Variants in STAP1 observed in about 807,000 individuals in gnomAD.
STAP1 encodes signal-transducing adaptor protein 1.
Under a neutral mutation model 37.8 loss-of-function variants are expected in STAP1, and 30 were observed. The observed-to-expected ratio is 0.79, with a 90% confidence interval of 0.59 to 1.08. The LOEUF is 1.08. Among genes scored for constraint, STAP1 ranks in the 50% least tolerant of loss-of-function variants. The pLI is 0.00. For missense variants in STAP1, 357 were observed against 349.4 expected, an observed-to-expected ratio of 1.02 and a Z score of -0.17; for synonymous variants, 130 against 116.0, an observed-to-expected ratio of 1.12 and a Z score of -0.78.
At chr4:67,591,104 G>A in intron 7 of STAP1, 151 bp downstream of exon 7, 1 of 415,284 alleles carries the variant, frequency 2.4e-6, no homozygotes, top group Non-Finnish European at 4.2e-6. Flanking sequence ...GTGAGGCAGA[G>A]TAAAATATAA....
At chr4:67,566,871 G>A (rs946881917) in intron 1 of STAP1, among the ~76,000 whole-genome samples, 1 of 152,168 alleles carries the variant, frequency 6.6e-6, no homozygotes, top group Non-Finnish European at 1.5e-5. Flanking sequence ...TGGGGAGGCT[G>A]AGGCAGGAGA....
At position 67,606,410 on chromosome 4, in the gene STAP1, G is replaced by A. The variant is rs995896825; in HGVS notation, c.*53G>A. 4.0e-6 allele frequency: 6 copies of A among 1,508,138 alleles called. No homozygotes were observed. In the East Asian group the frequency reaches 9.3e-5, roughly 23 times the overall value. The allele number at this position is 1,508,138 out of a possible 1,614,324, so 93.4% of individuals were successfully genotyped here. A position where few individuals can be genotyped will look rare whatever the true frequency, so the allele number is the denominator to read the frequency against. On this transcript the variant is annotated 3_prime_UTR_variant, in exon 9 of 9. Transcript: ENST00000265404. Reference sequence around the variant, plus strand: ...TCTTGGTAATTTATATTTTCAAAACGAAGTTCTTACTTTTAAAGAGAATTA... The same window carrying A: ...TCTTGGTAATTTATATTTTCAAAACAAAGTTCTTACTTTTAAAGAGAATTA...
At chr4:67,583,899 C>G (rs1727923246) in intron 6 of STAP1, among the ~76,000 whole-genome samples, 197 bp downstream of exon 6, 1 of 152,000 alleles carries the variant, frequency 6.6e-6, no homozygotes, top group Non-Finnish European at 1.5e-5. Flanking sequence ...GATATCGAGA[C>G]TACCCTGGCT....
At chr4:67,590,772 CTA>C (rs1728102772) in intron 6 of STAP1, 110 bp from the exon 7 acceptor site, 2 of 192,290 alleles carry the variant, frequency 1.0e-5, no homozygotes, top group Non-Finnish European at 9.3e-6. Context: ...TTTTGCCAAA[CTA>C]TAGTCATGAC....
chr4:67,580,888 C>T (rs1727838366), intron 4 of STAP1, among the ~76,000 whole-genome samples: 1 of 152,192 alleles, frequency 6.6e-6, no homozygotes, highest in Non-Finnish European at 1.5e-5. Context: ...TCCCATGTTG[C>T]CATATGGCTG....
intron 4 of STAP1, among the ~76,000 whole-genome samples, chr4:67,580,542 TA>T (rs1481388003): frequency 6.6e-6 from 1 of 152,196 alleles, no homozygotes; most frequent in African/African-American, 2.4e-5. Flanking sequence ...TCTCTGAAGA[TA>T]AAGGTGATAA....
intron 3 of STAP1, 131 bp from the exon 4 acceptor site, chr4:67,577,072 A>G: frequency 1.6e-6 from 1 of 625,042 alleles, no homozygotes; most frequent in Non-Finnish European, 2.6e-6. Context: ...CATAAAAAAT[A>G]CACATTAGTA....
At chr4:67,578,691 C>A (rs1220330840) in intron 4 of STAP1, among the ~76,000 whole-genome samples, 1 of 152,172 alleles carries the variant, frequency 6.6e-6, no homozygotes, top group African/African-American at 2.4e-5. Context: ...TGCATCCCCC[C>A]GGTACACTAA....
intron 1 of STAP1, among the ~76,000 whole-genome samples, chr4:67,565,282 G>A (rs1414809952): frequency 6.6e-6 from 1 of 152,244 alleles, no homozygotes; most frequent in Admixed American, 6.5e-5. Context: ...GTATATATTA[G>A]CAACTTCTCA....
Position 67,575,370 on chromosome 4 carries a change from C to T in STAP1, c.193-15C>T. On this transcript the variant is annotated splice_polypyrimidine_tract_variant and intron_variant, in intron 2 of 8. Transcript: ENST00000265404. ...CCATGAAATAATGTAATGTGATCTT[C>T]CTTTATCTTTGCAGTATGTTGACAA... 1 of 1,524,632 alleles carries T rather than the reference C, an allele frequency of 6.6e-7. No individual in the cohort carries two copies. The highest frequency in any genetic ancestry group is 8.9e-7 in the Non-Finnish European group (1 of 1,124,888). The allele number at this position is 1,524,632 out of a possible 1,614,324, so 94.4% of individuals were successfully genotyped here.
At chr4:67,604,673 A>C (rs2109881107) in intron 8 of STAP1, among the ~76,000 whole-genome samples, 1 of 152,342 alleles carries the variant, frequency 6.6e-6, no homozygotes, top group South Asian at 2.1e-4. Context: ...TTGTATATCA[A>C]GTAATTCCTG....
chr4:67,563,523 T>C (rs982157897), intron 1 of STAP1, among the ~76,000 whole-genome samples: 1 of 152,106 alleles, frequency 6.6e-6, no homozygotes, highest in African/African-American at 2.4e-5. Flanking sequence ...CTAGGCAATA[T>C]AGCGAAACCC....
intron 6 of STAP1, among the ~76,000 whole-genome samples, chr4:67,585,542 T>C (rs1269661393): frequency 6.6e-6 from 1 of 152,238 alleles, no homozygotes; most frequent in Non-Finnish European, 1.5e-5. Context: ...AGGAAATGTG[T>C]GTGTGTATAT....
chr4:67,593,292 T>C lies in STAP1; in HGVS notation c.762T>C (p.Asp254=), dbSNP rs1266439618. 1 of 1,613,396 alleles carries C rather than the reference T, an allele frequency of 6.2e-7. No individual in the cohort carries two copies. The highest frequency in any genetic ancestry group is 8.5e-7 in the Non-Finnish European group (1 of 1,179,748). ...VTLPNLFSVI[D]YFVKETRGNL... ...TCCCAAACCTTTTCAGTGTCATTGA[T>C]TATTTTGTGAAGGAGACTCGAGGAA... The change falls in exon 8 of 9, where the codon GAT becomes GAC. Residue 254 remains aspartate, a synonymous_variant. Coordinates refer to ENST00000265404, the MANE Select transcript of STAP1 (RefSeq NM_012108.4).
chr4:67,593,050 T>C (rs1391012404), intron 7 of STAP1, among the ~76,000 whole-genome samples: 1 of 152,162 alleles, frequency 6.6e-6, no homozygotes, highest in Non-Finnish European at 1.5e-5. Context: ...TTGTATTCAA[T>C]GGGAAAGGTG....
At chr4:67,591,024 A>G in intron 7 of STAP1, 71 bp downstream of exon 7, 1 of 1,215,712 alleles carries the variant, frequency 8.2e-7, no homozygotes, top group Admixed American at 2.1e-5. Context: ...TGCTGGCAAA[A>G]AGCAGCCAAG....
chr4:67,588,586 T>G (rs1002185619), intron 6 of STAP1, among the ~76,000 whole-genome samples: 2 of 152,026 alleles, frequency 1.3e-5, no homozygotes, highest in East Asian at 3.9e-4. Flanking sequence ...ATTTTTTGTA[T>G]TTTTAGGAGA....
intron 7 of STAP1, 40 bp downstream of exon 7, chr4:67,590,993 C>T (rs372505901): frequency 4.1e-5 from 62 of 1,527,700 alleles, no homozygotes; most frequent in Middle Eastern, 1.7e-4. Context: ...AACTTCCTCC[C>T]GATTCCTTAT....
intron 2 of STAP1, among the ~76,000 whole-genome samples, chr4:67,573,294 G>A (rs372674888): frequency 1.6e-4 from 25 of 152,318 alleles, no homozygotes; most frequent in African/African-American, 6.0e-4. Flanking sequence ...TTCCATGTTA[G>A]AGATGTTTGA....
Sources: allele counts gnomAD v4.1 joint callset (sites outside exome capture counted in the v4.1 genomes callset), GRCh38; gene constraint gnomAD v4.1.1; transcripts MANE v1.5; gene names NCBI Gene and HGNC (gene_info 2026-07-23, HGNC 2026-07-21).